Variants in ADGRL3 observed in about 807,000 individuals in gnomAD.
ADGRL3 encodes the protein adhesion G protein-coupled receptor L3, also known as calcium-independent alpha-latrotoxin receptor 3.
A neutral mutation model predicts 153.5 loss-of-function variants in ADGRL3; 62 were observed. The observed-to-expected ratio is 0.40, with a 90% confidence interval of 0.33 to 0.50. The LOEUF (loss-of-function observed/expected upper bound fraction) is 0.50. ADGRL3 is among the 20% of genes least tolerant of loss of function. The probability of loss-of-function intolerance (pLI) is 0.47; values close to 1 mark genes in which losing one functional copy is unlikely to be tolerated. For synonymous variants in ADGRL3, 710 were observed against 672.5 expected (o/e 1.06, Z -0.86); for missense variants, 1,641 against 1,859.4 (o/e 0.88, Z 2.16).
chr4:61,231,409 A>G (rs1341789488), intron 1 of ADGRL3, among the ~76,000 whole-genome samples: 5 of 152,128 alleles, frequency 3.3e-5, no homozygotes, highest in African/African-American at 4.8e-5. Context: ...GTGATTCCCA[A>G]GGGAATTAAT....
intron 2 of ADGRL3, among the ~76,000 whole-genome samples, chr4:61,461,585 G>C (rs564249329): frequency 6.6e-6 from 1 of 151,936 alleles, no homozygotes; most frequent in African/African-American, 2.4e-5. Flanking sequence ...AAAGAAAAAT[G>C]GTTATTTCTC....
chr4:61,766,484 G>C (rs577324535), intron 8 of ADGRL3, among the ~76,000 whole-genome samples: 1 of 151,968 alleles, frequency 6.6e-6, no homozygotes, highest in South Asian at 2.1e-4. Flanking sequence ...TTCTGACCTC[G>C]CTAACCATGC....
rs75262292 is a variant in ADGRL3 at position 61,239,933 on chromosome 4, A to G, written c.-240+38168A>G. Among the ~76,000 whole-genome samples the G allele has an allele frequency of 9.1e-3, 1,379 of 152,240 alleles. 23 individuals are homozygous for G. Among genetic ancestry groups the G allele is most frequent in the African/African-American group, 0.032 (1,317 of 41,542 alleles). On this transcript the variant is annotated intron_variant, in intron 1 of 26. Coordinates refer to ENST00000683033, the MANE Select transcript of ADGRL3 (RefSeq NM_001387552.1). Reference sequence around the variant, plus strand: ...TACTTGAGTGTACATTTAGTTCACTATTAGAGGCCATTGATTATTTGGCAA... The same window carrying G: ...TACTTGAGTGTACATTTAGTTCACTGTTAGAGGCCATTGATTATTTGGCAA...
At chr4:61,243,022 T>C (rs1398197023) in intron 1 of ADGRL3, among the ~76,000 whole-genome samples, 1 of 151,994 alleles carries the variant, frequency 6.6e-6, no homozygotes, top group Non-Finnish European at 1.5e-5. Flanking sequence ...CAAACAGCCA[T>C]GGGGACATGA....
intron 2 of ADGRL3, among the ~76,000 whole-genome samples, chr4:61,475,218 A>G (rs1440097759): frequency 1.3e-5 from 2 of 152,172 alleles, no homozygotes; most frequent in Non-Finnish European, 2.9e-5. Flanking sequence ...AAGATGTCTT[A>G]CTTATTTGTA....
At chr4:61,629,625 G>A (rs1212327192) in intron 5 of ADGRL3, among the ~76,000 whole-genome samples, 1 of 149,002 alleles carries the variant, frequency 6.7e-6, no homozygotes, top group Non-Finnish European at 1.5e-5. Flanking sequence ...GCTGAGGCAG[G>A]AGAATTGCTT....
intron 1 of ADGRL3, among the ~76,000 whole-genome samples, chr4:61,203,227 T>C (rs1186078713): frequency 6.6e-6 from 1 of 152,218 alleles, no homozygotes; most frequent in African/African-American, 2.4e-5. Context: ...CATGCGCTGC[T>C]TTTATTTATG....
intron 1 of ADGRL3, among the ~76,000 whole-genome samples, chr4:61,341,313 T>C (rs1223902380): frequency 6.6e-6 from 1 of 151,944 alleles, no homozygotes; most frequent in Admixed American, 6.6e-5. Flanking sequence ...TATTTTCCTT[T>C]GAGTAAACTT....
intron 21 of ADGRL3, among the ~76,000 whole-genome samples, chr4:62,019,867 C>A (rs758626456): frequency 6.6e-6 from 1 of 152,070 alleles, no homozygotes; most frequent in Non-Finnish European, 1.5e-5. Flanking sequence ...ATCGAATATT[C>A]TTTTCTTGAG....
intron 1 of ADGRL3, among the ~76,000 whole-genome samples, chr4:61,260,039 C>T (rs1408375663): frequency 3.9e-5 from 6 of 152,010 alleles, no homozygotes; most frequent in African/African-American, 7.3e-5. Flanking sequence ...GCTTATGAGA[C>T]GTGTAAGATT....
In ADGRL3 at chr4:62,028,454, C is replaced by T. The variant is rs376564210; in HGVS notation, c.3396-401C>T. On this transcript the variant is annotated intron_variant, in intron 21 of 26. Coordinates refer to ENST00000683033, the MANE Select transcript of ADGRL3 (RefSeq NM_001387552.1). Reference sequence around the variant, plus strand: ...TAAGTAATCTTACCTACTAATATTACGGAATAAGAATACCTTTAGGTGACA... The same window carrying T: ...TAAGTAATCTTACCTACTAATATTATGGAATAAGAATACCTTTAGGTGACA... 8.4e-4 allele frequency among the ~76,000 whole-genome samples: 127 copies of T among 151,754 alleles called. No individual in the cohort carries two copies. The South Asian group carries it at 9.3e-3, about 11-fold the overall frequency.
In ADGRL3 at chr4:61,892,840, A is replaced by G. The variant is rs2098598317; in HGVS notation, c.1665A>G (p.Ala555=). Residue 555 remains alanine, a synonymous_variant, in exon 10 of 27, where the codon GCA becomes GCG. Transcript: ENST00000683033. ...ACATGACCACACACCTTCCATCAGC[A>G]TCGTCCCAAATCCCAGCTCTCGAAG... is the stretch of plus-strand genomic sequence containing the variant. ...LDDMTTHLPS[A]SSQIPALEES... The G allele has an allele frequency of 6.2e-7, 1 of 1,613,554 alleles. No individual in the cohort carries two copies.
intron 1 of ADGRL3, among the ~76,000 whole-genome samples, chr4:61,347,323 A>T (rs2151254643): frequency 6.6e-6 from 1 of 151,298 alleles, no homozygotes; most frequent in African/African-American, 2.4e-5. Context: ...CCCCCCAGCG[A>T]CTAAGTTCCT....
intron 4 of ADGRL3, among the ~76,000 whole-genome samples, chr4:61,532,549 C>CCT (rs1579374018): frequency 9.6e-6 from 1 of 103,670 alleles, no homozygotes; most frequent in East Asian, 2.8e-4. Context: ...CGCGCGCGCG[C>CCT]GCGCGCGTGT....
intron 11 of ADGRL3, among the ~76,000 whole-genome samples, chr4:61,904,656 C>CT (rs2098686873): frequency 7.0e-6 from 1 of 141,996 alleles, no homozygotes. Context: ...ATATTGAAAA[C>CT]TATGTTTGTA....
intron 11 of ADGRL3, among the ~76,000 whole-genome samples, chr4:61,898,649 C>T (rs987965494): frequency 6.7e-6 from 1 of 150,370 alleles, no homozygotes; most frequent in Non-Finnish European, 1.5e-5. Context: ...GATGAAGTCT[C>T]GCTCTGTCAC....
At chr4:62,069,737 T>C (rs139504438) in intron 26 of ADGRL3, among the ~76,000 whole-genome samples, 141 of 152,264 alleles carry the variant, frequency 9.3e-4, no homozygotes, top group African/African-American at 3.2e-3. Flanking sequence ...TGTGTATAAA[T>C]TGAAAGCTAT....
At chr4:61,559,833 G>A (rs867399165) in intron 4 of ADGRL3, among the ~76,000 whole-genome samples, 33 of 151,272 alleles carry the variant, frequency 2.2e-4, no homozygotes, top group African/African-American at 5.6e-4. Context: ...TTTAATTCTC[G>A]TGTTATATAT....
At chr4:61,342,507 C>G (rs1413940831) in intron 1 of ADGRL3, among the ~76,000 whole-genome samples, 1 of 152,042 alleles carries the variant, frequency 6.6e-6, no homozygotes, top group African/African-American at 2.4e-5. Context: ...TCATGCCTCC[C>G]ACACCCCTCT....
Sources: gnomAD v4.1 joint callset for allele counts (sites outside exome capture counted in the v4.1 genomes callset) on GRCh38, gnomAD v4.1.1 for gene constraint, MANE v1.5 for transcripts, NCBI Gene and HGNC (gene_info 2026-07-23, HGNC 2026-07-21) for gene names.